The following HSD17B12 variants were observed in gnomAD, a reference collection of about 807,000 sequenced individuals.
HSD17B12 encodes hydroxysteroid 17-beta dehydrogenase 12, also known as very-long-chain 3-oxoacyl-CoA reductase.
Under a neutral mutation model 39.3 loss-of-function variants are expected in HSD17B12, and 32 were observed. The observed-to-expected ratio is 0.81, with a 90% CI of 0.61 to 1.09. The LOEUF is 1.09. HSD17B12 is among the 50% of genes least tolerant of loss of function. The pLI, the probability that HSD17B12 is intolerant of heterozygous loss-of-function variation, is 0.00. For synonymous variants in HSD17B12, 150 were observed against 146.7 expected, an observed-to-expected ratio of 1.02 and a Z score of -0.16; for missense variants, 342 against 382.9, an observed-to-expected ratio of 0.89 and a Z score of 0.89.
At chr11:43,693,499 C>G (rs1949882001) in intron 1 of HSD17B12, among the ~76,000 whole-genome samples, 1 of 152,090 alleles carries the variant, frequency 6.6e-6, no homozygotes, top group Non-Finnish European at 1.5e-5. Flanking sequence ...ATGTTAAGAC[C>G]AGGAGGCACT....
intron 1 of HSD17B12, among the ~76,000 whole-genome samples, chr11:43,714,163 A>G (rs1204552223): frequency 6.6e-6 from 1 of 152,156 alleles, no homozygotes; most frequent in Admixed American, 6.5e-5. Context: ...TTTTGTTGCC[A>G]TTGCTTTTTG....
chr11:43,796,351 A>G (rs1007290378), intron 3 of HSD17B12, among the ~76,000 whole-genome samples: 7 of 152,200 alleles, frequency 4.6e-5, no homozygotes, highest in African/African-American at 1.2e-4. Flanking sequence ...ATCTCTTAAA[A>G]GAAAAAAAAA....
chr11:43,764,425 A>G (rs1950579065), intron 3 of HSD17B12, among the ~76,000 whole-genome samples: 1 of 152,112 alleles, frequency 6.6e-6, no homozygotes, highest in Non-Finnish European at 1.5e-5. Context: ...AGTCTCTATA[A>G]GCTATCCAGA....
intron 3 of HSD17B12, among the ~76,000 whole-genome samples, chr11:43,774,357 G>A (rs1469220802): frequency 6.6e-6 from 1 of 152,090 alleles, no homozygotes; most frequent in Non-Finnish European, 1.5e-5. Context: ...GGGATTACAG[G>A]CACATGCCAT....
At chr11:43,566,453 G>A in the HSD17B12 span, among the ~76,000 whole-genome samples, 1 of 152,084 alleles carries the variant, frequency 6.6e-6, no homozygotes, top group South Asian at 2.1e-4. Context: ...GTGAGCAATT[G>A]TTAATTGTAA....
the HSD17B12 span, among the ~76,000 whole-genome samples, chr11:43,622,177 G>C: frequency 6.6e-6 from 1 of 152,184 alleles, no homozygotes; most frequent in Non-Finnish European, 1.5e-5. Context: ...GGGTAATATA[G>C]AGATGGATTA....
chr11:43,607,353 C>T, the HSD17B12 span, among the ~76,000 whole-genome samples: 2 of 150,270 alleles, frequency 1.3e-5, no homozygotes, highest in Non-Finnish European at 3.0e-5. Context: ...TGCCCGAGAA[C>T]CACAAAGTAA....
At chr11:43,687,375 A>G (rs1214568579) in intron 1 of HSD17B12, among the ~76,000 whole-genome samples, 7 of 152,192 alleles carry the variant, frequency 4.6e-5, no homozygotes, top group Admixed American at 6.5e-5. Flanking sequence ...TAATAGTCCA[A>G]TGGGATGACA....
At chr11:43,782,162 T>C (rs1950772123) in intron 3 of HSD17B12, among the ~76,000 whole-genome samples, 2 of 152,196 alleles carry the variant, frequency 1.3e-5, no homozygotes, top group Admixed American at 6.5e-5. Flanking sequence ...CACATATTTA[T>C]TTAGACCCTT....
chr11:43,690,815 G>T (rs1218359727), intron 1 of HSD17B12, among the ~76,000 whole-genome samples: 7 of 152,016 alleles, frequency 4.6e-5, no homozygotes, highest in Non-Finnish European at 4.4e-5. Context: ...GTAAAATTGG[G>T]ATAATTATAG....
At chr11:43,681,535 C>G (rs1265626430) in intron 1 of HSD17B12, among the ~76,000 whole-genome samples, 3 of 152,010 alleles carry the variant, frequency 2.0e-5, no homozygotes, top group Admixed American at 6.6e-5. Flanking sequence ...AGATAGTAAT[C>G]GTATCTGGAT....
chr11:43,587,013 T>C, the HSD17B12 span, among the ~76,000 whole-genome samples: 2 of 152,118 alleles, frequency 1.3e-5, no homozygotes, highest in Admixed American at 1.3e-4. Flanking sequence ...ACAAATAGGT[T>C]AAAAAGCAAA....
chr11:43,713,261 T>C (rs1950086930), intron 1 of HSD17B12, among the ~76,000 whole-genome samples: 1 of 150,620 alleles, frequency 6.6e-6, no homozygotes, highest in African/African-American at 2.4e-5. Context: ...GTATATCTCC[T>C]AATGCTATCC....
intron 3 of HSD17B12, among the ~76,000 whole-genome samples, chr11:43,796,414 G>T (rs979688926): frequency 6.6e-6 from 1 of 152,148 alleles, no homozygotes; most frequent in East Asian, 1.9e-4. Flanking sequence ...TTTAAAAAAG[G>T]CAGTGGTCAC....
the HSD17B12 span, among the ~76,000 whole-genome samples, chr11:43,650,266 A>G: frequency 6.6e-6 from 1 of 152,218 alleles, no homozygotes; most frequent in South Asian, 2.1e-4. Context: ...TCAAATGAAA[A>G]CAAAACAAAA....
chr11:43,639,266 C>T, the HSD17B12 span, among the ~76,000 whole-genome samples: 1 of 152,192 alleles, frequency 6.6e-6, no homozygotes, highest in Non-Finnish European at 1.5e-5. Flanking sequence ...GACGCTTCAA[C>T]CTTGCCTAAC....
chr11:43,611,800 C>T, the HSD17B12 span, among the ~76,000 whole-genome samples: 1 of 152,182 alleles, frequency 6.6e-6, no homozygotes, highest in Non-Finnish European at 1.5e-5. Flanking sequence ...TACATTATCT[C>T]AGATTCTGAC....
intron 6 of HSD17B12, among the ~76,000 whole-genome samples, chr11:43,816,628 T>C (rs1285177893): frequency 6.6e-6 from 1 of 152,086 alleles, no homozygotes. Context: ...TTTAATTTTT[T>C]ATTTCCATAG....
chr11:43,719,901 C>G (rs528412850), intron 1 of HSD17B12, among the ~76,000 whole-genome samples: 1 of 152,054 alleles, frequency 6.6e-6, no homozygotes, highest in Admixed American at 6.5e-5. Context: ...ACTTTTAGTA[C>G]GATAGTTTTC....
Sources: gnomAD v4.1 joint callset for allele counts (sites outside exome capture counted in the v4.1 genomes callset) on GRCh38, gnomAD v4.1.1 for gene constraint, MANE v1.5 for transcripts, NCBI Gene and HGNC (gene_info 2026-07-23, HGNC 2026-07-21) for gene names.